LGALS3: variants seen among roughly 807,000 people sequenced by gnomAD.
The protein encoded by LGALS3 is galectin 3.
A neutral mutation model predicts 20.7 loss-of-function variants in LGALS3; 18 were observed. The ratio of observed to expected loss-of-function variants is 0.87; its 90% CI spans 0.60 to 1.29. The LOEUF is 1.29. Ranked by LOEUF, LGALS3 falls within the 50% of genes most tolerant of loss-of-function variation. The pLI, the probability that LGALS3 is intolerant of heterozygous loss-of-function variation, is 0.00. For missense variants in LGALS3, 315 were observed against 314.7 expected (o/e 1.00, Z -0.01); for synonymous variants, 112 against 119.6 (o/e 0.94, Z 0.42).
At position 55,145,175 on chromosome 14, in the gene LGALS3, G is replaced by C. The variant is rs756755606; in HGVS notation, c.657G>C (p.Leu219Phe). ...TTGCAGTGAATGATGCTCACTTGTT[G>C]CAGTACAATCATCGGGTTAAAAAAC... ...FKVAVNDAHL[L>F]QYNHRVKKLN... The change falls in exon 6 of 6, where the codon TTG becomes TTC. Residue 219 changes from leucine to phenylalanine, a missense_variant. By Grantham distance (22) the Leu-to-Phe change is conservative. Coordinates refer to ENST00000254301, the MANE Select transcript of LGALS3 (RefSeq NM_002306.4). 6.2e-7 allele frequency: 1 copy of C among 1,613,824 alleles called. No homozygotes were observed. Among genetic ancestry groups the C allele is most frequent in the South Asian group, 1.1e-5 (1 of 91,074 alleles).
At chr14:55,140,446 C>CCTGT (rs1173228526) in intron 4 of LGALS3, 83 bp downstream of exon 4, 5 of 832,298 alleles carry the variant, frequency 6.0e-6, no homozygotes, top group Non-Finnish European at 9.8e-6. Flanking sequence ...TTCTTCTTGC[C>CCTGT]CTGTCTTACA....
intron 1 of LGALS3, among the ~76,000 whole-genome samples, chr14:55,136,050 A>G (rs1047026673): frequency 6.6e-6 from 1 of 152,166 alleles, no homozygotes; most frequent in Non-Finnish European, 1.5e-5. Context: ...GAACTCACCC[A>G]TGCCTCAGGG....
intron 1 of LGALS3, among the ~76,000 whole-genome samples, chr14:55,131,775 T>C (rs1446062125): frequency 1.3e-5 from 2 of 152,226 alleles, no homozygotes; most frequent in African/African-American, 4.8e-5. Flanking sequence ...AGATCAGTCA[T>C]GAGAAGCAGA....
Position 55,137,293 on chromosome 14 carries a change from G to A in LGALS3, c.-4-77G>A, listed in dbSNP as rs181801745. On this transcript the variant is annotated intron_variant, in intron 1 of 5. Coordinates refer to ENST00000254301, the MANE Select transcript of LGALS3 (RefSeq NM_002306.4). ...TAGAGATGGATTAGAACTGCACAAT[G>A]AACTAGTGGTGAGGTTCAGTTTAAT... 2.1e-4 allele frequency: 278 copies of A among 1,326,648 alleles called. No homozygotes were observed. In the African/African-American group the frequency reaches 3.6e-3, roughly 17 times the overall value. The allele number at this position is 1,326,648 out of a possible 1,614,324, so 82.2% of individuals were successfully genotyped here.
chr14:55,136,478 T>C (rs1298709884), intron 1 of LGALS3, among the ~76,000 whole-genome samples: 4 of 152,198 alleles, frequency 2.6e-5, no homozygotes, highest in Non-Finnish European at 4.4e-5. Context: ...TGGATGCATC[T>C]CATCTGCCTT....
intron 1 of LGALS3, among the ~76,000 whole-genome samples, chr14:55,130,750 TGG>T (rs1566779509): frequency 1.1e-4 from 5 of 46,174 alleles, no homozygotes; most frequent in Non-Finnish European, 1.8e-4. Flanking sequence ...GTGGTGGTGG[TGG>T]TGGGGGGGGG....
chr14:55,138,535 T>A, intron 3 of LGALS3, 167 bp downstream of exon 3: 1 of 790,902 alleles, frequency 1.3e-6, no homozygotes, highest in Non-Finnish European at 2.2e-6. Flanking sequence ...GTGTGGTTAG[T>A]ATAAACAGAA....
intron 4 of LGALS3, among the ~76,000 whole-genome samples, chr14:55,141,799 T>C (rs914623148): frequency 1.3e-5 from 2 of 152,238 alleles, no homozygotes; most frequent in African/African-American, 4.8e-5. Flanking sequence ...TGAATCAAAA[T>C]ACACAGACAA....
At chr14:55,144,947 T>G (rs1450109769) in intron 5 of LGALS3, among the ~76,000 whole-genome samples, 169 bp from the exon 6 acceptor site, 1 of 152,258 alleles carries the variant, frequency 6.6e-6, no homozygotes, top group Non-Finnish European at 1.5e-5. Flanking sequence ...TTGGACATCC[T>G]GGGCTCAGGC....
chr14:55,141,336 A>G (rs1384020563), intron 4 of LGALS3, among the ~76,000 whole-genome samples: 3 of 152,188 alleles, frequency 2.0e-5, no homozygotes, highest in African/African-American at 7.2e-5. Flanking sequence ...TACAAAATAT[A>G]TACATCCTCT....
chr14:55,141,287 A>C (rs1881613615), intron 4 of LGALS3, among the ~76,000 whole-genome samples: 1 of 152,206 alleles, frequency 6.6e-6, no homozygotes, highest in South Asian at 2.1e-4. Context: ...CTGTAAGCAC[A>C]GAACTTCCCC....
At position 55,138,369 on chromosome 14, in the gene LGALS3, G is replaced by T. The variant is rs755723284; in HGVS notation, c.342+1G>T. 7 of 1,612,678 alleles carry T rather than the reference G, an allele frequency of 4.3e-6. No homozygotes were observed. Among genetic ancestry groups the T allele is most frequent in the East Asian group, 4.5e-5 (2 of 44,900 alleles). On this transcript the variant is annotated splice_donor_variant, in intron 3 of 5. Transcript: ENST00000254301. LOFTEE classifies it high-confidence loss of function. ...CTATGGCGCCCCTGCTGGGCCACTG[G>T]TGAGATGGCATTCCTTCTTTCATGT... is the stretch of plus-strand genomic sequence containing the variant.
Position 55,137,403 on chromosome 14 carries a change from A to T in LGALS3, c.18+12A>T. On this transcript the variant is annotated intron_variant, in intron 2 of 5. Coordinates refer to ENST00000254301, the MANE Select transcript of LGALS3 (RefSeq NM_002306.4). ...CAGACAATTTTTCGGTAAGTGTTTT[A>T]TGCCTGTTTCTTCCCCTTGATCAGC... is the stretch of plus-strand genomic sequence containing the variant. The T allele has an allele frequency of 6.2e-7, 1 of 1,614,128 alleles. No individual in the cohort carries two copies. Among genetic ancestry groups the T allele is most frequent in the Non-Finnish European group, 8.5e-7 (1 of 1,179,994 alleles).
intron 1 of LGALS3, among the ~76,000 whole-genome samples, chr14:55,132,326 T>G (rs1881256761): frequency 6.6e-6 from 1 of 152,052 alleles, no homozygotes; most frequent in Non-Finnish European, 1.5e-5. Context: ...CCCCTCTGAC[T>G]GTTCAAAATT....
chr14:55,135,077 C>G (rs1049143514), intron 1 of LGALS3, among the ~76,000 whole-genome samples: 1 of 151,800 alleles, frequency 6.6e-6, no homozygotes, highest in African/African-American at 2.4e-5. Context: ...TCACATGAGC[C>G]TGGGAGGTGG....
intron 4 of LGALS3, among the ~76,000 whole-genome samples, chr14:55,140,942 G>A (rs1199520074): frequency 6.6e-6 from 1 of 152,174 alleles, no homozygotes; most frequent in Admixed American, 6.5e-5. Flanking sequence ...CACTGGTTAT[G>A]TAGTACTTAC....
intron 1 of LGALS3, among the ~76,000 whole-genome samples, chr14:55,135,826 G>A (rs1881378301): frequency 1.3e-5 from 2 of 151,902 alleles, no homozygotes; most frequent in African/African-American, 2.4e-5. Flanking sequence ...TGGCCTCCCA[G>A]TGTGCTGGGA....
chr14:55,135,254 GA>G (rs1395448239), intron 1 of LGALS3, among the ~76,000 whole-genome samples: 1 of 152,294 alleles, frequency 6.6e-6, no homozygotes, highest in East Asian at 1.9e-4. Context: ...CCCCAATGCA[GA>G]AATCTGAAAT....
intron 1 of LGALS3, among the ~76,000 whole-genome samples, chr14:55,131,028 C>G (rs983684130): frequency 3.3e-5 from 5 of 152,202 alleles, no homozygotes; most frequent in Non-Finnish European, 7.3e-5. Flanking sequence ...TAAAGATGAT[C>G]ATACCCCATC....
Sources: gnomAD v4.1 joint callset for allele counts (sites outside exome capture counted in the v4.1 genomes callset) on GRCh38, gnomAD v4.1.1 for gene constraint, MANE v1.5 for transcripts, NCBI Gene and HGNC (gene_info 2026-07-23, HGNC 2026-07-21) for gene names.